CDH13: variants seen among roughly 807,000 people sequenced by gnomAD.
The protein encoded by CDH13 is cadherin 13, also known as cadherin-13.
Under a neutral mutation model 63.8 loss-of-function variants are expected in CDH13, and 24 were observed. The observed-to-expected ratio is 0.38, with a 90% CI of 0.27 to 0.53. The LOEUF (loss-of-function observed/expected upper bound fraction) is 0.53. Ranked by LOEUF, CDH13 falls within the 20% of genes least tolerant of loss-of-function variation. The pLI is 0.85. For synonymous variants in CDH13, 503 were observed against 355.3 expected (o/e 1.42, Z -4.67); for missense variants, 1,049 against 903.1 (o/e 1.16, Z -2.07).
chr16:83,169,469 C>T (rs62036628), intron 4 of CDH13, among the ~76,000 whole-genome samples: 5 of 152,076 alleles, frequency 3.3e-5, no homozygotes, highest in South Asian at 2.1e-4. Context: ...CCACCACACC[C>T]GGCCAAGCTT....
At chr16:83,455,741 C>G (rs1271594752) in intron 6 of CDH13, among the ~76,000 whole-genome samples, 1 of 152,198 alleles carries the variant, frequency 6.6e-6, no homozygotes, top group Non-Finnish European at 1.5e-5. Flanking sequence ...ACTGTTCCTG[C>G]TTTCCATTCG....
chr16:83,289,388 A>G (rs572715972), intron 5 of CDH13, among the ~76,000 whole-genome samples: 63 of 152,286 alleles, frequency 4.1e-4, no homozygotes, highest in South Asian at 1.0e-3. Flanking sequence ...GTACATCACA[A>G]TCATCTTGGA....
rs1008601125 is a variant in CDH13 at position 82,739,459 on chromosome 16, G to A, written c.45+112322G>A. Among the ~76,000 whole-genome samples, 14 of 152,236 alleles carry A rather than the reference G, an allele frequency of 9.2e-5. No homozygotes were observed. The East Asian group carries it at 2.5e-3, about 27-fold the overall frequency. ...TTTCCTCATGAAATATGCTTTAGTT[G>A]TCTTGGTAAATTTTAAGAGTGAGAG... On this transcript the variant is annotated intron_variant, in intron 1 of 13. Transcript: ENST00000567109.
intron 4 of CDH13, among the ~76,000 whole-genome samples, chr16:83,188,374 G>A (rs772215245): frequency 6.6e-6 from 1 of 152,116 alleles, no homozygotes; most frequent in African/African-American, 2.4e-5. Context: ...ATTTGTCGGG[G>A]GAAGTGAGGA....
chr16:83,043,786 C>T (rs905155298), intron 3 of CDH13, among the ~76,000 whole-genome samples: 1 of 150,336 alleles, frequency 6.7e-6, no homozygotes, highest in Non-Finnish European at 1.5e-5. Flanking sequence ...TAGGTCATGC[C>T]ATTGCACTCT....
chr16:83,162,383 A>T (rs2037485612), intron 4 of CDH13, among the ~76,000 whole-genome samples: 2 of 152,188 alleles, frequency 1.3e-5, no homozygotes. Context: ...ACAAGATACC[A>T]GACCATTTTA....
chr16:83,780,087 G>T lies in CDH13; in HGVS notation c.1801G>T (p.Val601Leu), dbSNP rs774185523. ...CTGTGATGATGCCAAAAACCTCAGT[G>T]TAGTCATTTTGGGAGCATCAGATAA... ...EVCDDAKNLS[V>L]VILGASDKDL... Residue 601 changes from valine to leucine, a missense_variant, in exon 12 of 14, where the codon GTA (valine) becomes TTA (leucine). Coordinates refer to ENST00000567109, the MANE Select transcript of CDH13 (RefSeq NM_001257.5). The T allele has an allele frequency of 8.7e-6, 14 of 1,613,830 alleles. No homozygotes were observed. The South Asian group carries it at 1.5e-4, about 18-fold the overall frequency.
intron 7 of CDH13, among the ~76,000 whole-genome samples, chr16:83,511,945 C>T (rs1481003025): frequency 1.3e-5 from 2 of 152,096 alleles, no homozygotes; most frequent in Non-Finnish European, 2.9e-5. Flanking sequence ...CTGCATGGGG[C>T]TTTTGCTTGG....
chr16:83,781,590 G>A (rs116262614), intron 12 of CDH13, among the ~76,000 whole-genome samples: 1,707 of 151,900 alleles, frequency 0.011, 41 homozygotes, highest in African/African-American at 0.04. Flanking sequence ...TTGCCTGTTT[G>A]TCTATTTTAT....
intron 3 of CDH13, among the ~76,000 whole-genome samples, chr16:83,036,348 C>T (rs1295987116): frequency 6.6e-6 from 1 of 151,858 alleles, no homozygotes; most frequent in Non-Finnish European, 1.5e-5. Context: ...TGGGATTTCA[C>T]CGTGTTGGCC....
intron 3 of CDH13, among the ~76,000 whole-genome samples, chr16:83,038,977 T>C (rs990631814): frequency 2.6e-5 from 4 of 152,126 alleles, no homozygotes; most frequent in Admixed American, 1.3e-4. Flanking sequence ...GACATTGGGT[T>C]TGGGAACTAA....
At chr16:83,313,653 A>G (rs1475167045) in intron 5 of CDH13, among the ~76,000 whole-genome samples, 1 of 150,200 alleles carries the variant, frequency 6.7e-6, no homozygotes, top group Non-Finnish European at 1.5e-5. Context: ...TAAAAAAAAA[A>G]AAAAAAAAAA....
rs369083568 is a variant in CDH13 at position 82,627,071 on chromosome 16, C to T, written c.-22C>T. On this transcript the variant is annotated 5_prime_UTR_variant, in exon 1 of 14. Transcript: ENST00000567109. ...CCGCGTGCATGAATGAAAACGCCGC[C>T]GGGCGCTTCTAGTCGGACAAAATGC... is the stretch of plus-strand genomic sequence containing the variant. 1.0e-5 allele frequency: 16 copies of T among 1,589,108 alleles called. No individual in the cohort carries two copies. Among genetic ancestry groups the T allele is most frequent in the African/African-American group, 9.4e-5 (7 of 74,392 alleles).
At position 82,999,055 on chromosome 16, in the gene CDH13, G is replaced by T. The variant is rs80172392; in HGVS notation, c.158-32955G>T. On this transcript the variant is annotated intron_variant, in intron 2 of 13. Coordinates refer to ENST00000567109, the MANE Select transcript of CDH13 (RefSeq NM_001257.5). ...ACGCGTATTCTTCCACGTTCCATCA[G>T]CAGAAACTTTCCTTCATTTGATACT... Among the ~76,000 whole-genome samples, 46 of 152,192 alleles carry T rather than the reference G, an allele frequency of 3.0e-4. No homozygotes were observed. The East Asian group carries it at 7.9e-3, about 26-fold the overall frequency.
chr16:83,323,179 TTTC>T (rs1335560898), intron 5 of CDH13, among the ~76,000 whole-genome samples: 18,473 of 90,328 alleles, frequency 0.2, 2,378 homozygotes, highest in South Asian at 0.24. Flanking sequence ...TTCTTTTTTC[TTTC>T]TTTCTTTCTT....
At chr16:83,681,784 G>T in intron 10 of CDH13, among the ~76,000 whole-genome samples, 1 of 152,198 alleles carries the variant, frequency 6.6e-6, no homozygotes, top group Non-Finnish European at 1.5e-5. Context: ...GAGGAGTGGG[G>T]CTGCAGAGAG....
At chr16:83,265,647 C>G (rs1907519573) in intron 5 of CDH13, among the ~76,000 whole-genome samples, 1 of 150,298 alleles carries the variant, frequency 6.7e-6, no homozygotes. Context: ...ACAGTATCCC[C>G]TCTTAGCTCT....
At chr16:83,216,408 A>ATGTATATATATATATATATATATATATG (rs66685513) in intron 4 of CDH13, among the ~76,000 whole-genome samples, 1 of 76,020 alleles carries the variant, frequency 1.3e-5, no homozygotes, top group African/African-American at 4.8e-5. Context: ...ATATATATAT[A>ATGTATATATATATATATATATATATATG]TATATATATA....
At chr16:83,339,294 T>C (rs1314723713) in intron 5 of CDH13, among the ~76,000 whole-genome samples, 1 of 152,172 alleles carries the variant, frequency 6.6e-6, no homozygotes, top group Non-Finnish European at 1.5e-5. Flanking sequence ...AGCAAAATGA[T>C]AAACATGCAA....
Sources: allele counts gnomAD v4.1 joint callset (sites outside exome capture counted in the v4.1 genomes callset), GRCh38; gene constraint gnomAD v4.1.1; transcripts MANE v1.5; gene names NCBI Gene and HGNC (gene_info 2026-07-23, HGNC 2026-07-21).